HSPA9: variants seen among roughly 807,000 people sequenced by gnomAD.
HSPA9 encodes the protein heat shock protein family A (Hsp70) member 9.
HSPA9 carries 28 observed loss-of-function variants against 81.5 expected under a neutral mutation model. The observed-to-expected ratio is 0.34, with a 90% CI of 0.25 to 0.47. HSPA9 has a LOEUF of 0.47. Ranked by LOEUF, HSPA9 falls within the 20% of genes least tolerant of loss-of-function variation. HSPA9 has a pLI of 1.00. For synonymous variants in HSPA9, 293 were observed against 290.4 expected (o/e 1.01, Z -0.09); for missense variants, 678 against 838.0 (o/e 0.81, Z 2.36).
intron 8 of HSPA9, 128 bp from the exon 9 acceptor site, chr5:138,566,846 A>T: frequency 9.0e-7 from 1 of 1,112,042 alleles, no homozygotes; most frequent in Non-Finnish European, 1.4e-6. Context: ...ACTTTTTATT[A>T]CCCTTAATGT....
rs776130782 is a variant in HSPA9 at position 138,567,631 on chromosome 5, A to T, written c.609+18T>A. The T allele has an allele frequency of 1.1e-5, 17 of 1,612,480 alleles. No individual in the cohort carries two copies. The highest frequency in any genetic ancestry group is 1.7e-4 in the Middle Eastern group (1 of 6,054). On this transcript the variant is annotated intron_variant, in intron 6 of 16. Coordinates refer to ENST00000297185, the MANE Select transcript of HSPA9 (RefSeq NM_004134.7). ...AGGCACCTTACTTTTTGTGAATAAG[A>T]ATGCTAATTGACCTCACCTGTCTCT...
Position 138,556,586 on chromosome 5 carries a change from T to C in HSPA9, c.1828A>G (p.Lys610Glu). 6.2e-7 allele frequency: 1 copy of C among 1,614,050 alleles called. No homozygotes were observed. Among genetic ancestry groups the C allele is most frequent in the Non-Finnish European group, 8.5e-7 (1 of 1,180,026 alleles). Residue 610 changes from lysine to glutamate, a missense_variant, in exon 16 of 17, where the codon AAG becomes GAG. Physicochemically the swap from Lys to Glu is moderately conservative, Grantham distance 56 (BLOSUM62 1). This residue lies in a region of HSPA9 where 100 missense variants were observed against 99.5 expected (regional missense o/e 1.00). Coordinates refer to ENST00000297185, the MANE Select transcript of HSPA9 (RefSeq NM_004134.7). ...KDQLPADECN[K>E]LKEEISKMRE... is the part of the protein sequence containing the mutation. ...ATTTTGGAAATCTCTTCTTTCAGCT[T>C]GTTGCACTTAAAAAAAGAAAACAAA...
chr5:138,571,812 T>TGTGTGTGTGTGTG (rs1750901633), intron 3 of HSPA9, among the ~76,000 whole-genome samples: 1 of 146,178 alleles, frequency 6.8e-6, no homozygotes, highest in African/African-American at 2.5e-5. Flanking sequence ...CCAACTAATT[T>TGTGTGTGTGTGTG]TGTGTGTGTG....
intron 8 of HSPA9, 39 bp downstream of exon 8, chr5:138,566,962 T>C: frequency 6.3e-7 from 1 of 1,587,072 alleles, no homozygotes; most frequent in East Asian, 2.2e-5. Flanking sequence ...AATTTCTCAA[T>C]ATCCCAACGT....
chr5:138,562,416 T>C (rs1750681390), intron 9 of HSPA9, among the ~76,000 whole-genome samples: 1 of 151,630 alleles, frequency 6.6e-6, no homozygotes, highest in South Asian at 2.1e-4. Flanking sequence ...CCGGGCGTGG[T>C]GGCACATGCC....
In HSPA9 at chr5:138,561,712, T is replaced by G; in HGVS notation, c.1050A>C (p.Gln350His). The G allele has an allele frequency of 6.2e-7, 1 of 1,614,194 alleles. No homozygotes were observed. The highest frequency in any genetic ancestry group is 8.5e-7 in the Non-Finnish European group (1 of 1,180,012). The part of the protein sequence containing the change: ...KHLNMKLTRA[Q>H]FEGIVTDLIR... ...TTAGATCAGTGACAATCCCTTCAAATTGAGCACGGGTCAACTTCATATTCA... is the reference window on the plus strand; with the variant it reads ...TTAGATCAGTGACAATCCCTTCAAAGTGAGCACGGGTCAACTTCATATTCA... Residue 350 changes from glutamine to histidine, a missense_variant, in exon 10 of 17, where the codon CAA (glutamine) becomes CAC (histidine). Gln to His is a conservative substitution (Grantham distance 24, BLOSUM62 0). Around this residue, in one of 4 missense-constraint regions of HSPA9, gnomAD observed 484 missense variants for 647.5 expected, o/e 0.75. Transcript: ENST00000297185.
In HSPA9 at chr5:138,555,866, C is replaced by T. The variant is rs1274703947; in HGVS notation, c.*171G>A. 17 of 643,234 alleles carry T rather than the reference C, an allele frequency of 2.6e-5. No individual in the cohort carries two copies. Among genetic ancestry groups the T allele is most frequent in the Non-Finnish European group, 4.7e-5 (17 of 361,264 alleles). 39.8% of individuals were successfully genotyped at this position (643,234 alleles called of 1,614,324 possible). On this transcript the variant is annotated 3_prime_UTR_variant, in exon 17 of 17. Transcript: ENST00000297185. ...ACTTTATACTGTTAGAATCACTGTCCATTAAATGATCACTAGCTAATGGTC... is the reference window on the plus strand; with the variant it reads ...ACTTTATACTGTTAGAATCACTGTCTATTAAATGATCACTAGCTAATGGTC...
intron 13 of HSPA9, 36 bp downstream of exon 13, chr5:138,557,833 C>A (rs368211786): frequency 7.7e-7 from 1 of 1,300,638 alleles, no homozygotes; most frequent in Non-Finnish European, 1.1e-6. Flanking sequence ...ACCTCCCTCA[C>A]CTCACTCTTA....
At position 138,554,927 on chromosome 5, in the gene HSPA9, A is replaced by C. The variant is rs951184719; in HGVS notation, c.*1110T>G. 3 of 152,238 alleles carry C rather than the reference A, an allele frequency of 2.0e-5. No individual in the cohort carries two copies. The highest frequency in any genetic ancestry group is 7.2e-5 in the African/African-American group (3 of 41,456). 9.4% of individuals were successfully genotyped at this position (152,238 alleles called of 1,614,324 possible). ...CCTTTTATTTTTGAGCCATAGAAAT[A>C]GTATCTTAGGACTTATTTCTAGATG... On this transcript the variant is annotated 3_prime_UTR_variant, in exon 17 of 17. Transcript: ENST00000297185.
intron 9 of HSPA9, among the ~76,000 whole-genome samples, chr5:138,563,509 T>C (rs1470428623): frequency 6.6e-6 from 1 of 152,172 alleles, no homozygotes; most frequent in Non-Finnish European, 1.5e-5. Context: ...AAGTCTTTTC[T>C]CAACACATGG....
At chr5:138,574,155 C>T in intron 1 of HSPA9, 29 bp from the exon 2 acceptor site, 1 of 1,557,702 alleles carries the variant, frequency 6.4e-7, no homozygotes, top group Non-Finnish European at 8.9e-7. Context: ...ACTCAGTCAC[C>T]AACCAGTGTG....
In HSPA9 at chr5:138,554,494, C is replaced by T. The variant is rs542649586; in HGVS notation, c.*1543G>A. Reference sequence around the variant, plus strand: ...CTGAGCCTAGAATTTTTCACGAATCCCAAGAATCTTTTACATGGGTGTTAA... The same window carrying T: ...CTGAGCCTAGAATTTTTCACGAATCTCAAGAATCTTTTACATGGGTGTTAA... On this transcript the variant is annotated 3_prime_UTR_variant, in exon 17 of 17. Transcript: ENST00000297185. 1.0e-3 allele frequency among the ~76,000 whole-genome samples: 155 copies of T among 152,260 alleles called. No homozygotes were observed. The highest frequency in any genetic ancestry group is 3.6e-3 in the African/African-American group (150 of 41,546).
In HSPA9 at chr5:138,575,029, GGT is replaced by G. The variant is rs950257180; in HGVS notation, c.81+207_81+208del. On this transcript the variant is annotated intron_variant, in intron 1 of 16. Coordinates refer to ENST00000297185, the MANE Select transcript of HSPA9 (RefSeq NM_004134.7). ...TGAAATGACACTCTAGATCGCGAGG[GGT>G]GTGACTCAGCAGGGCCCAAGCCGGA... The G allele has an allele frequency of 6.6e-6, 4 of 603,274 alleles. No homozygotes were observed. In the African/African-American group the frequency reaches 7.5e-5, roughly 11 times the overall value. 37.4% of individuals were successfully genotyped at this position (603,274 alleles called of 1,614,324 possible).
chr5:138,558,016 C>T, intron 12 of HSPA9, 30 bp from the exon 13 acceptor site: 1 of 1,411,886 alleles, frequency 7.1e-7, no homozygotes, highest in Non-Finnish European at 1.0e-6. Context: ...GAGTAAGGTC[C>T]TCTTACAGAG....
chr5:138,567,480 C>T lies in HSPA9; in HGVS notation c.691G>A (p.Gly231Ser). The change falls in exon 7 of 17, where the codon GGT becomes AGT. Residue 231 changes from glycine (G) to serine (S), a missense_variant. Coordinates refer to ENST00000297185, the MANE Select transcript of HSPA9 (RefSeq NM_004134.7). Reference sequence around the variant, plus strand: ...ACTTTGTCTTCTGATTTGTCTAGACCATAGGCAAGAGCAGCAGCTGTGGGC... The same window carrying T: ...ACTTTGTCTTCTGATTTGTCTAGACTATAGGCAAGAGCAGCAGCTGTGGGC... The part of the protein sequence containing the change: ...NEPTAAALAY[G>S]LDKSEDKVIA... 2 of 1,613,770 alleles carry T rather than the reference C, an allele frequency of 1.2e-6. No individual in the cohort carries two copies. Among genetic ancestry groups the T allele is most frequent in the Non-Finnish European group, 8.5e-7 (1 of 1,179,674 alleles).
At position 138,556,462 on chromosome 5, in the gene HSPA9, G is replaced by A; in HGVS notation, c.1952C>T (p.Ala651Val). ...CTTCAGCCCTTGTACCTTTTTGTAT[G>A]CCATTTCGAACAGCTTCAGTGATGC... ...QQASLKLFEM[A>V]YKKMASEREG... is the part of the protein sequence containing the mutation. Residue 651 changes from alanine (A) to valine (V), a missense_variant, in exon 16 of 17, where the codon GCA (alanine) becomes GTA (valine). Ala to Val is a moderately conservative substitution (Grantham distance 64). Coordinates refer to ENST00000297185, the MANE Select transcript of HSPA9 (RefSeq NM_004134.7). 1 of 1,613,602 alleles carries A rather than the reference G, an allele frequency of 6.2e-7. No individual in the cohort carries two copies. The highest frequency in any genetic ancestry group is 8.5e-7 in the Non-Finnish European group (1 of 1,179,990).
chr5:138,574,846 C>A, intron 1 of HSPA9: 2 of 207,296 alleles, frequency 9.6e-6, no homozygotes, highest in Non-Finnish European at 1.9e-5. Context: ...TTTATTTCAC[C>A]GTATCAACGG....
chr5:138,572,053 C>A (rs1750916155), intron 3 of HSPA9, among the ~76,000 whole-genome samples: 1 of 148,258 alleles, frequency 6.7e-6, no homozygotes, highest in Non-Finnish European at 1.5e-5. Flanking sequence ...ACCTGCCAGC[C>A]TCAGCTGATC....
intron 8 of HSPA9, 73 bp from the exon 9 acceptor site, chr5:138,566,791 GAACA>G (rs1750774819): frequency 1.6e-6 from 2 of 1,251,152 alleles, no homozygotes; most frequent in Non-Finnish European, 2.4e-6. Context: ...TAATAAGGTG[GAACA>G]ACACAAAATG....
Sources: allele counts gnomAD v4.1 joint callset (sites outside exome capture counted in the v4.1 genomes callset), GRCh38; gene constraint gnomAD v4.1.1; regional missense constraint gnomAD v4.1.1; transcripts MANE v1.5; gene names NCBI Gene and HGNC (gene_info 2026-07-23, HGNC 2026-07-21).